MTR: variants seen among roughly 807,000 people sequenced by gnomAD.
MTR encodes methionine synthase.
Under a neutral mutation model 154.8 loss-of-function variants are expected in MTR, and 84 were observed. That is an observed-to-expected ratio of 0.54 (90% CI 0.45 to 0.65). MTR has a LOEUF of 0.65. Ranked by LOEUF, MTR falls within the 30% of genes least tolerant of loss-of-function variation. MTR has a pLI of 0.00. For missense variants in MTR, 1,275 were observed against 1,570.2 expected, an observed-to-expected ratio of 0.81 and a Z score of 3.18; for synonymous variants, 554 against 553.9, an observed-to-expected ratio of 1.00 and a Z score of 0.00.
At chr1:236,819,795 A>G in intron 8 of MTR, 2 of 760,570 alleles carry the variant, frequency 2.6e-6, no homozygotes, top group African/African-American at 1.7e-5. Flanking sequence ...TCTGAAGAGG[A>G]CCTGGGAGAA....
intron 8 of MTR, 115 bp from the exon 9 acceptor site, chr1:236,824,004 G>A: frequency 1.1e-6 from 1 of 875,448 alleles, no homozygotes; most frequent in Non-Finnish European, 1.9e-6. Context: ...AAAGTGCTTT[G>A]AATGAGGAGA....
At chr1:236,820,096 C>T (rs1661837494) in intron 8 of MTR, 1 of 770,328 alleles carries the variant, frequency 1.3e-6, no homozygotes, top group East Asian at 2.4e-5. Context: ...AGATTCCCCT[C>T]TGCGCTATGT....
At chr1:236,868,111 A>G (rs578178917) in intron 22 of MTR, among the ~76,000 whole-genome samples, 46 of 152,306 alleles carry the variant, frequency 3.0e-4, no homozygotes, top group African/African-American at 1.0e-3. Flanking sequence ...GTTAGATTCA[A>G]TTGGTGTGGG....
chr1:236,832,817 T>TC lies in MTR; in HGVS notation c.1188+743dup, dbSNP rs550665665. ...TCATAACAAGGAAAGGACCATTTAT[T>TC]CCCCTTCATGGACCTGTTCATTATT... is the stretch of plus-strand genomic sequence containing the variant. On this transcript the variant is annotated intron_variant, in intron 13 of 32. Transcript: ENST00000366577. Among the ~76,000 whole-genome samples, 7 of 152,024 alleles carry TC rather than the reference T, an allele frequency of 4.6e-5. No homozygotes were observed. The South Asian group carries it at 1.0e-3, about 23-fold the overall frequency.
Position 236,850,374 on chromosome 1 carries a change from T to C in MTR, c.1546T>C (p.Cys516Arg). 1.2e-6 allele frequency: 2 copies of C among 1,613,676 alleles called. No homozygotes were observed. The highest frequency in any genetic ancestry group is 1.7e-6 in the Non-Finnish European group (2 of 1,179,802). ...AGAAACAGACACAAAAATCAGAGTG[T>C]GCACCCGGGCCTACCATCTGCTTGT... is the stretch of plus-strand genomic sequence containing the variant. Reference protein sequence around the residue: ...ATETDTKIRVCTRAYHLLVKK... With the variant: ...ATETDTKIRVRTRAYHLLVKK... The change falls in exon 16 of 33, where the codon TGC becomes CGC. Residue 516 changes from cysteine (C) to arginine (R), a missense_variant. Physicochemically the swap from Cys to Arg is radical, Grantham distance 180 (BLOSUM62 -3). Transcript: ENST00000366577.
intron 1 of MTR, among the ~76,000 whole-genome samples, chr1:236,796,649 C>A (rs562803059): frequency 2.6e-5 from 4 of 152,072 alleles, no homozygotes; most frequent in African/African-American, 9.6e-5. Context: ...TATAATTGTT[C>A]TTGAAACTAG....
In MTR at chr1:236,811,173, T is replaced by A. The variant is rs111962921; in HGVS notation, c.502+578T>A. On this transcript the variant is annotated intron_variant, in intron 5 of 32. Transcript: ENST00000366577. ...AAAGAGAAAGCTTGTACAGGGAAAC[T>A]CCCCCTTATATAACCATCAGATCTC... Among the ~76,000 whole-genome samples the A allele has an allele frequency of 4.4e-3, 670 of 151,734 alleles. 11 individuals carry two copies. Among genetic ancestry groups the A allele is most frequent in the African/African-American group, 0.015 (637 of 41,364 alleles).
rs181474477 is a variant in MTR at position 236,830,473 on chromosome 1, C to T, written c.1075+1205C>T. On this transcript the variant is annotated intron_variant, in intron 12 of 32. Transcript: ENST00000366577. ...TTTTTTCTTCAATTTGAATGTCGTA[C>T]GCTATTGCTAAATTGCTTTAAACAA... 8.2e-4 allele frequency among the ~76,000 whole-genome samples: 125 copies of T among 152,198 alleles called. 3 individuals are homozygous for T. The highest frequency in any genetic ancestry group is 3.4e-3 in the Middle Eastern group (1 of 294).
rs1055682415 is a variant in MTR, at chr1:236,840,760, T to A, written c.1515+2161T>A. Among the ~76,000 whole-genome samples the A allele has an allele frequency of 2.0e-5, 3 of 152,334 alleles. 1 individual carries two copies. Among genetic ancestry groups the A allele is most frequent in the Non-Finnish European group, 2.9e-5 (2 of 68,024 alleles). ...CATTCCAGTATGTTTTACTTACTAT[T>A]ATTGAATGAAATTGTGTTTCTAATT... On this transcript the variant is annotated intron_variant, in intron 15 of 32. Transcript: ENST00000366577.
At position 236,859,872 on chromosome 1, in the gene MTR, G is replaced by A. The variant is rs1558316720; in HGVS notation, c.1993G>A (p.Glu665Lys). The change falls in exon 19 of 33, where the codon GAG (glutamate) becomes AAG (lysine). Residue 665 changes from glutamate to lysine, a missense_variant. Glu to Lys is a moderately conservative substitution (Grantham distance 56, BLOSUM62 1). Transcript: ENST00000366577. Reference protein sequence around the residue: ...TGGKKVIQTDEWRNGPVEERL... With the variant: ...TGGKKVIQTDKWRNGPVEERL... ...AGGGAAGAAAGTCATTCAGACTGAT[G>A]AGTGGAGAAATGGCCCTGTCGAAGA... 1.9e-6 allele frequency: 3 copies of A among 1,614,064 alleles called. No individual in the cohort carries two copies. Among genetic ancestry groups the A allele is most frequent in the Non-Finnish European group, 2.5e-6 (3 of 1,179,944 alleles).
Position 236,903,149 on chromosome 1 carries a change from T to C in MTR, c.*5505T>C, listed in dbSNP as rs893042123. 2.6e-5 allele frequency: 4 copies of C among 152,042 alleles called. No individual in the cohort carries two copies. The highest frequency in any genetic ancestry group is 9.7e-5 in the African/African-American group (4 of 41,390). 9.4% of individuals were successfully genotyped at this position (152,042 alleles called of 1,614,324 possible). On this transcript the variant is annotated 3_prime_UTR_variant, in exon 33 of 33. Transcript: ENST00000366577. ...CTCTTAAAAAATAAAAAATAAAAAG[T>C]CTAAGAGGATACACAGAAATTTTTA...
intron 27 of MTR, among the ~76,000 whole-genome samples, chr1:236,888,006 A>G (rs1309067421): frequency 6.6e-6 from 1 of 152,236 alleles, no homozygotes; most frequent in Non-Finnish European, 1.5e-5. Context: ...ATAATAGGAT[A>G]TTTCCAAAGA....
In MTR at chr1:236,816,865, A is replaced by G. The variant is rs149271564; in HGVS notation, c.764+322A>G. On this transcript the variant is annotated intron_variant, in intron 8 of 32. Transcript: ENST00000366577. ...CCTATTTATGAGGCAACCAGAAGCA[A>G]TCTGTCATGGAATAAGGTGGGAATT... Among the ~76,000 whole-genome samples the G allele has an allele frequency of 1.5e-3, 224 of 152,250 alleles. 1 individual carries two copies. Among genetic ancestry groups the G allele is most frequent in the African/African-American group, 4.8e-3 (201 of 41,544 alleles).
chr1:236,812,154 G>A (rs1022555477), intron 5 of MTR, among the ~76,000 whole-genome samples: 2 of 152,254 alleles, frequency 1.3e-5, no homozygotes, highest in African/African-American at 4.8e-5. Context: ...CAGTGCTGGC[G>A]TGAGCCACTG....
At chr1:236,824,063 A>G in intron 8 of MTR, 56 bp from the exon 9 acceptor site, 1 of 1,368,566 alleles carries the variant, frequency 7.3e-7, no homozygotes, top group Non-Finnish European at 1.0e-6. Flanking sequence ...TATAACTTAT[A>G]TGCATAAATA....
intron 2 of MTR, 56 bp downstream of exon 2, chr1:236,803,698 C>T: frequency 6.5e-7 from 1 of 1,536,182 alleles, no homozygotes; most frequent in Non-Finnish European, 9.0e-7. Context: ...CAAGCTGTTT[C>T]ATGTATCAGG....
chr1:236,874,646 G>T lies in MTR; in HGVS notation c.2474-80G>T, dbSNP rs1361200488. The T allele has an allele frequency of 4.9e-6, 6 of 1,215,296 alleles. No individual in the cohort carries two copies. The African/African-American group carries it at 6.3e-5, about 13-fold the overall frequency. 75.3% of individuals were successfully genotyped at this position (1,215,296 alleles called of 1,614,324 possible). ...GTCTTCATTACAAAGTTTTTTAAAT[G>T]GATCTTCATCCTTTTCCTTTTTCTT... On this transcript the variant is annotated intron_variant, in intron 23 of 32. Coordinates refer to ENST00000366577, the MANE Select transcript of MTR (RefSeq NM_000254.3).
intron 29 of MTR, among the ~76,000 whole-genome samples, chr1:236,892,171 G>A (rs1436572415): frequency 2.0e-5 from 3 of 152,070 alleles, no homozygotes; most frequent in East Asian, 3.9e-4. Context: ...ATTTTCAGTC[G>A]TTCAGAAATA....
intron 24 of MTR, among the ~76,000 whole-genome samples, chr1:236,877,596 A>G (rs745308283): frequency 5.3e-5 from 8 of 151,940 alleles, no homozygotes; most frequent in Non-Finnish European, 1.2e-4. Context: ...TTTTCAATGT[A>G]GTATTCCATT....
Sources: gnomAD v4.1 joint callset for allele counts (sites outside exome capture counted in the v4.1 genomes callset) on GRCh38, gnomAD v4.1.1 for gene constraint, MANE v1.5 for transcripts, NCBI Gene and HGNC (gene_info 2026-07-23, HGNC 2026-07-21) for gene names.